Variants in FAM178B observed in about 807,000 individuals in gnomAD.
FAM178B encodes protein FAM178B.
A neutral mutation model predicts 91.7 loss-of-function variants in FAM178B; 82 were observed. That is an observed-to-expected ratio of 0.89 (90% confidence interval 0.75 to 1.07). FAM178B has a LOEUF of 1.07. FAM178B is among the 50% of genes least tolerant of loss of function. FAM178B has a pLI of 0.00. For synonymous variants in FAM178B, 368 were observed against 359.4 expected (o/e 1.02, Z -0.27); for missense variants, 769 against 846.7 (o/e 0.91, Z 1.14).
intron 5 of FAM178B, among the ~76,000 whole-genome samples, chr2:96,962,305 G>C (rs1188407970): frequency 1.3e-5 from 2 of 151,504 alleles, no homozygotes; most frequent in African/African-American, 2.4e-5. Flanking sequence ...CCATCTCAAA[G>C]GGAAGAAAAT....
At chr2:96,906,015 C>A (rs2081048664) in intron 12 of FAM178B, among the ~76,000 whole-genome samples, 1 of 142,044 alleles carries the variant, frequency 7.0e-6, no homozygotes, top group Admixed American at 7.0e-5. Flanking sequence ...GGGATTCAGG[C>A]ATGTGCTACC....
chr2:96,920,576 G>T (rs770118783), intron 12 of FAM178B, among the ~76,000 whole-genome samples: 1 of 152,000 alleles, frequency 6.6e-6, no homozygotes, highest in Non-Finnish European at 1.5e-5. Context: ...CTCCAGCCTG[G>T]GTGACAGAGC....
intron 12 of FAM178B, among the ~76,000 whole-genome samples, chr2:96,912,177 C>T (rs972680309): frequency 4.6e-5 from 7 of 152,154 alleles, no homozygotes; most frequent in East Asian, 1.9e-4. Flanking sequence ...ACAAGGACTC[C>T]GGAGCCAGCA....
In FAM178B at chr2:96,977,950, C is replaced by T. The variant is rs768060586; in HGVS notation, c.74-5344G>A. ...GTTCATCGCTGGAGGGTGGGGCGGGCGGGGGAGGGGGGCGACCGGCAAGAG... is the reference window on the plus strand; with the variant it reads ...GTTCATCGCTGGAGGGTGGGGCGGGTGGGGGAGGGGGGCGACCGGCAAGAG... On this transcript the variant is annotated intron_variant, in intron 1 of 16. Transcript: ENST00000490605. 156 of 230,906 alleles carry T rather than the reference C, an allele frequency of 6.8e-4. 1 individual carries two copies. Among genetic ancestry groups the T allele is most frequent in the Non-Finnish European group, 9.3e-4 (107 of 114,910 alleles). The allele number at this position is 230,906 out of a possible 1,614,324, so 14.3% of individuals were successfully genotyped here. A position where few individuals can be genotyped will look rare whatever the true frequency, so the allele number is the denominator to read the frequency against.
intron 7 of FAM178B, chr2:96,949,998 T>A: frequency 1.0e-6 from 1 of 985,802 alleles, no homozygotes; most frequent in Non-Finnish European, 1.2e-6. Flanking sequence ...CAGGGCTGGG[T>A]CCTGCACTCC....
intron 13 of FAM178B, among the ~76,000 whole-genome samples, chr2:96,901,176 CTTT>C (rs1195230304): frequency 3.5e-4 from 47 of 132,462 alleles, no homozygotes; most frequent in African/African-American, 6.2e-4. Flanking sequence ...ATTCTTTTTT[CTTT>C]TTTTTTTTTT....
chr2:96,962,266 C>T (rs2082090768), intron 5 of FAM178B, among the ~76,000 whole-genome samples: 1 of 152,004 alleles, frequency 6.6e-6, no homozygotes, highest in African/African-American at 2.4e-5. Context: ...TGCACCGCTG[C>T]ACTCCTGCCT....
chr2:96,951,304 C>T, intron 7 of FAM178B, 75 bp downstream of exon 7: 1 of 1,059,600 alleles, frequency 9.4e-7, no homozygotes, highest in Non-Finnish European at 1.4e-6. Context: ...AAGTGCCCAC[C>T]CCTCAGCCTG....
chr2:96,912,352 C>T (rs534712355), intron 12 of FAM178B, among the ~76,000 whole-genome samples: 1 of 152,028 alleles, frequency 6.6e-6, no homozygotes, highest in East Asian at 2.0e-4. Flanking sequence ...AGTCCTGGAT[C>T]GGGGCAAGTG....
At position 96,970,769 on chromosome 2, in the gene FAM178B, C is replaced by A. The variant is rs1434297394; in HGVS notation, c.573G>T (p.Trp191Cys). The A allele has an allele frequency of 6.4e-7, 1 of 1,550,694 alleles. No individual in the cohort carries two copies. Among genetic ancestry groups the A allele is most frequent in the East Asian group, 2.4e-5 (1 of 40,924 alleles). The change falls in exon 4 of 17, where the codon TGG becomes TGT. Residue 191 changes from tryptophan (W) to cysteine (C), a missense_variant. Coordinates refer to ENST00000490605, the MANE Select transcript of FAM178B (RefSeq NM_001122646.3). ...SQQAAAPEFS[W>C]GGSGSYFNNL... Reference sequence around the variant, plus strand: ...TGTTGAAGTAGCTTCCTGAGCCCCCCCAGGAAAACTGGAGAAACAGGACAT... The same window carrying A: ...TGTTGAAGTAGCTTCCTGAGCCCCCACAGGAAAACTGGAGAAACAGGACAT...
chr2:96,940,135 GT>G (rs1197208247), intron 8 of FAM178B, among the ~76,000 whole-genome samples: 1 of 152,174 alleles, frequency 6.6e-6, no homozygotes, highest in Non-Finnish European at 1.5e-5. Flanking sequence ...CGGGGACTGA[GT>G]GCAGCTGGCG....
At chr2:96,925,629 C>T (rs1371094317) in intron 9 of FAM178B, among the ~76,000 whole-genome samples, 1 of 152,134 alleles carries the variant, frequency 6.6e-6, no homozygotes, top group Non-Finnish European at 1.5e-5. Flanking sequence ...ATGGTCCCAC[C>T]ATTGGACTCT....
intron 6 of FAM178B, among the ~76,000 whole-genome samples, chr2:96,958,697 TAAAAAAAAAAAAAAAAAAA>T (rs55924441): frequency 2.0e-4 from 11 of 55,534 alleles, no homozygotes; most frequent in East Asian, 8.4e-4. Flanking sequence ...CTCAAAATAC[TAAAAAAAAAAAAAAAAAAA>T]AAAAAAAAAA....
At chr2:96,902,823 C>T in intron 12 of FAM178B, 116 bp from the exon 13 acceptor site, 2 of 696,774 alleles carry the variant, frequency 2.9e-6, no homozygotes, top group South Asian at 1.5e-5. Flanking sequence ...TCTGGGGTAC[C>T]CCAGCAAAGG....
chr2:96,955,399 T>C (rs2081985016), intron 6 of FAM178B, among the ~76,000 whole-genome samples: 1 of 152,014 alleles, frequency 6.6e-6, no homozygotes, highest in Admixed American at 6.6e-5. Context: ...TAGGCCCAGC[T>C]ACTCGGGAGG....
chr2:96,903,133 G>A (rs925936784), intron 12 of FAM178B, among the ~76,000 whole-genome samples: 3 of 152,068 alleles, frequency 2.0e-5, no homozygotes, highest in Non-Finnish European at 2.9e-5. Context: ...TCCGCCTCCC[G>A]GGTTCACACC....
intron 12 of FAM178B, 66 bp from the exon 13 acceptor site, chr2:96,902,773 G>T: frequency 1.6e-6 from 2 of 1,223,016 alleles, no homozygotes; most frequent in East Asian, 2.5e-5. Context: ...CAGGGGGCAG[G>T]ATACCCATGG....
intron 4 of FAM178B, among the ~76,000 whole-genome samples, chr2:96,969,961 C>T (rs1046071618): frequency 1.3e-5 from 2 of 152,194 alleles, no homozygotes; most frequent in African/African-American, 4.8e-5. Context: ...GGTGGCATCG[C>T]CCCCGCCCAC....
chr2:96,924,670 A>T (rs1351397167), intron 9 of FAM178B, among the ~76,000 whole-genome samples: 1 of 152,124 alleles, frequency 6.6e-6, no homozygotes, highest in Non-Finnish European at 1.5e-5. Context: ...CCGAATGTAC[A>T]TTGTTGATTT....
Sources: allele counts gnomAD v4.1 joint callset (sites outside exome capture counted in the v4.1 genomes callset), GRCh38; gene constraint gnomAD v4.1.1; transcripts MANE v1.5; gene names NCBI Gene and HGNC (gene_info 2026-07-23, HGNC 2026-07-21).